Variants in SLC16A7 observed in about 807,000 individuals in gnomAD.
The protein encoded by SLC16A7 is monocarboxylate transporter 2.
Under a neutral mutation model 34.9 loss-of-function variants are expected in SLC16A7, and 33 were observed. The ratio of observed to expected loss-of-function variants is 0.94; its 90% CI spans 0.72 to 1.26. The LOEUF (loss-of-function observed/expected upper bound fraction) is 1.26, where lower values mean the gene tolerates loss of function less well. SLC16A7 is among the 50% of genes most tolerant of loss of function. The pLI is 0.00. For synonymous variants in SLC16A7, 201 were observed against 206.6 expected (o/e 0.97, Z 0.23); for missense variants, 573 against 578.1 (o/e 0.99, Z 0.09).
intron 3 of SLC16A7, among the ~76,000 whole-genome samples, chr12:59,762,557 G>T (rs934852228): frequency 1.3e-5 from 2 of 152,030 alleles, no homozygotes; most frequent in African/African-American, 2.4e-5. Flanking sequence ...ACTAAAAAAG[G>T]TCTAAAAATT....
chr12:59,716,773 G>A (rs1874956019), intron 3 of SLC16A7, among the ~76,000 whole-genome samples: 1 of 152,140 alleles, frequency 6.6e-6, no homozygotes, highest in Admixed American at 6.5e-5. Flanking sequence ...CTTGAGCCCA[G>A]GAGGGGAAGT....
At chr12:59,695,128 G>T (rs1252095228) in intron 2 of SLC16A7, among the ~76,000 whole-genome samples, 6 of 151,686 alleles carry the variant, frequency 4.0e-5, no homozygotes, top group African/African-American at 1.5e-4. Context: ...GCCACATGGA[G>T]CCTGTATAAA....
chr12:59,784,654 T>G lies in SLC16A7; in HGVS notation c.*4975T>G. On this transcript the variant is annotated 3_prime_UTR_variant, in exon 6 of 6. Coordinates refer to ENST00000547379, the MANE Select transcript of SLC16A7 (RefSeq NM_001270623.2). ...TGTCATTGCTTTTGTCTTCTCCATC[T>G]AGACTTTTGCAGTCCTTAGACTATA... The G allele has an allele frequency of 6.6e-6, 1 of 152,206 alleles. No homozygotes were observed. The highest frequency in any genetic ancestry group is 6.5e-5 in the Admixed American group (1 of 15,274). The allele number at this position is 152,206 out of a possible 1,614,324, so 9.4% of individuals were successfully genotyped here.
At chr12:59,741,018 C>T (rs1380382024) in intron 3 of SLC16A7, among the ~76,000 whole-genome samples, 3 of 152,038 alleles carry the variant, frequency 2.0e-5, no homozygotes, top group Non-Finnish European at 4.4e-5. Context: ...CGTGAAGGAC[C>T]TCTTCAAGGA....
intron 2 of SLC16A7, among the ~76,000 whole-genome samples, chr12:59,695,719 T>C (rs1012494842): frequency 2.6e-5 from 4 of 152,084 alleles, no homozygotes; most frequent in Non-Finnish European, 5.9e-5. Flanking sequence ...ATTCAAAGTA[T>C]TGACATTTTC....
intron 2 of SLC16A7, among the ~76,000 whole-genome samples, chr12:59,657,190 C>T (rs559132973): frequency 2.2e-4 from 33 of 151,828 alleles, no homozygotes; most frequent in African/African-American, 5.3e-4. Context: ...TTGGGATGAG[C>T]GCCTTTGTGG....
intron 2 of SLC16A7, among the ~76,000 whole-genome samples, chr12:59,659,966 G>A (rs1055121334): frequency 1.3e-5 from 2 of 152,036 alleles, no homozygotes; most frequent in Non-Finnish European, 2.9e-5. Context: ...GGTAAGAGAG[G>A]TTAGATAATT....
chr12:59,731,130 T>C (rs1331467018), intron 3 of SLC16A7, among the ~76,000 whole-genome samples: 2 of 152,194 alleles, frequency 1.3e-5, no homozygotes, highest in Non-Finnish European at 1.5e-5. Context: ...TAAAATTAAA[T>C]GTAAAATATT....
intron 3 of SLC16A7, among the ~76,000 whole-genome samples, chr12:59,714,912 C>T (rs1874722453): frequency 6.6e-6 from 1 of 152,110 alleles, no homozygotes; most frequent in Non-Finnish European, 1.5e-5. Context: ...TATGGCCCAA[C>T]TTAATATTTC....
chr12:59,636,409 G>A (rs1272956156), intron 1 of SLC16A7, among the ~76,000 whole-genome samples: 3 of 151,968 alleles, frequency 2.0e-5, no homozygotes, highest in Non-Finnish European at 4.4e-5. Context: ...AGAATGTTCA[G>A]GCAACATACT....
rs1273393128 is a variant in SLC16A7, at chr12:59,788,813, C to T, written c.*9134C>T. 1.3e-5 allele frequency: 2 copies of T among 151,944 alleles called. No individual in the cohort carries two copies. The highest frequency in any genetic ancestry group is 4.1e-4 in the South Asian group (2 of 4,832). The allele number at this position is 151,944 out of a possible 1,614,324, so 9.4% of individuals were successfully genotyped here. A position where few individuals can be genotyped will look rare whatever the true frequency, so the allele number is the denominator to read the frequency against. On this transcript the variant is annotated 3_prime_UTR_variant, in exon 6 of 6. Transcript: ENST00000547379. ...CATATGGATACATATTTTGCTTAAA[C>T]TAAATAAAATAACTTAGATTTATTT...
At chr12:59,704,577 A>G (rs935813856) in intron 2 of SLC16A7, among the ~76,000 whole-genome samples, 195 bp from the exon 3 acceptor site, 1 of 152,182 alleles carries the variant, frequency 6.6e-6, no homozygotes, top group Non-Finnish European at 1.5e-5. Flanking sequence ...TTAGCCCACA[A>G]TAATCAAAGG....
At chr12:59,609,068 A>C (rs764411326) in intron 1 of SLC16A7, among the ~76,000 whole-genome samples, 2 of 152,192 alleles carry the variant, frequency 1.3e-5, no homozygotes, top group African/African-American at 4.8e-5. Context: ...CAAAAGACAG[A>C]TTAGTTGGAG....
chr12:59,612,887 A>G (rs193228104), intron 1 of SLC16A7, among the ~76,000 whole-genome samples: 162 of 152,304 alleles, frequency 1.1e-3, no homozygotes, highest in African/African-American at 3.4e-3. Context: ...AAGGCCATTC[A>G]ACAAGTCTTT....
At chr12:59,680,411 T>A (rs1426923009) in intron 2 of SLC16A7, among the ~76,000 whole-genome samples, 1 of 152,200 alleles carries the variant, frequency 6.6e-6, no homozygotes, top group Non-Finnish European at 1.5e-5. Flanking sequence ...ACTGAAAATG[T>A]GTTATCTTGA....
intron 1 of SLC16A7, among the ~76,000 whole-genome samples, chr12:59,649,951 C>A (rs143064880): frequency 1.3e-5 from 2 of 151,724 alleles, no homozygotes; most frequent in African/African-American, 4.8e-5. Flanking sequence ...CTCCATCCCC[C>A]CTCCCCACCA....
chr12:59,665,750 T>TACAC (rs540590107), intron 2 of SLC16A7, among the ~76,000 whole-genome samples: 7 of 151,366 alleles, frequency 4.6e-5, no homozygotes, highest in Non-Finnish European at 8.9e-5. Context: ...TATATATATA[T>TACAC]ACACACACAC....
chr12:59,723,970 A>AT (rs1481454884), intron 3 of SLC16A7, among the ~76,000 whole-genome samples: 7 of 152,118 alleles, frequency 4.6e-5, no homozygotes, highest in Non-Finnish European at 1.0e-4. Context: ...CATGCAAGTT[A>AT]TAAAAACTCA....
chr12:59,746,896 G>T (rs1020331146), intron 3 of SLC16A7, among the ~76,000 whole-genome samples: 4 of 152,102 alleles, frequency 2.6e-5, no homozygotes, highest in African/African-American at 9.7e-5. Context: ...GTGTAGTGAC[G>T]ATCATAGCTT....
Sources: allele counts gnomAD v4.1 joint callset (sites outside exome capture counted in the v4.1 genomes callset), GRCh38; gene constraint gnomAD v4.1.1; transcripts MANE v1.5; gene names NCBI Gene and HGNC (gene_info 2026-07-23, HGNC 2026-07-21).